ERBB4: variants seen among roughly 807,000 people sequenced by gnomAD.
ERBB4 encodes erb-b2 receptor tyrosine kinase 4, also known as receptor tyrosine-protein kinase erbB-4.
A neutral mutation model predicts 158.0 loss-of-function variants in ERBB4; 42 were observed. The observed-to-expected ratio is 0.27, with a 90% CI of 0.21 to 0.34. ERBB4 has a LOEUF of 0.34. ERBB4 is among the 10% of genes least tolerant of loss of function. ERBB4 has a pLI of 1.00. For synonymous variants in ERBB4, 583 were observed against 558.7 expected, an observed-to-expected ratio of 1.04 and a Z score of -0.61; for missense variants, 1,333 against 1,624.1, an observed-to-expected ratio of 0.82 and a Z score of 3.08.
At chr2:211,418,192 A>C (rs77276098) in intron 25 of ERBB4, among the ~76,000 whole-genome samples, 38 of 152,216 alleles carry the variant, frequency 2.5e-4, no homozygotes, top group African/African-American at 8.9e-4. Context: ...ACCAAACTTA[A>C]AATGGTAGTA....
At chr2:212,380,458 G>GTA (rs1373054706) in intron 1 of ERBB4, among the ~76,000 whole-genome samples, 2 of 101,700 alleles carry the variant, frequency 2.0e-5, no homozygotes, top group Non-Finnish European at 5.0e-5. Context: ...GAATGACTCT[G>GTA]TGTGTGTGTG....
intron 2 of ERBB4, among the ~76,000 whole-genome samples, chr2:211,982,089 T>C (rs554560806): frequency 6.6e-6 from 1 of 152,056 alleles, no homozygotes; most frequent in South Asian, 2.1e-4. Context: ...GCAATATTGA[T>C]AAAAACAATA....
chr2:211,730,990 G>A (rs887348750), intron 5 of ERBB4, among the ~76,000 whole-genome samples: 1 of 152,000 alleles, frequency 6.6e-6, no homozygotes, highest in African/African-American at 2.4e-5. Context: ...TCCTATTTGT[G>A]TTGTAAAGGT....
intron 1 of ERBB4, among the ~76,000 whole-genome samples, chr2:212,311,682 A>T (rs192949705): frequency 1.9e-4 from 29 of 151,138 alleles, no homozygotes; most frequent in Admixed American, 1.7e-3. Context: ...TAAAAACCAC[A>T]AATGGGACCA....
intron 1 of ERBB4, among the ~76,000 whole-genome samples, chr2:212,163,708 G>A (rs1050256499): frequency 2.0e-5 from 3 of 151,984 alleles, no homozygotes; most frequent in Non-Finnish European, 4.4e-5. Flanking sequence ...ATAAGATTAT[G>A]GTGCTTTTAT....
At chr2:212,535,965 A>G (rs1005945461) in intron 1 of ERBB4, among the ~76,000 whole-genome samples, 1 of 151,972 alleles carries the variant, frequency 6.6e-6, no homozygotes, top group Admixed American at 6.6e-5. Flanking sequence ...TTTCCCCTGA[A>G]CTCCAAGCGT....
Position 212,023,032 on chromosome 2 carries a change from T to C in ERBB4, c.235-75416A>G, listed in dbSNP as rs542788494. On this transcript the variant is annotated intron_variant, in intron 2 of 27. Transcript: ENST00000342788. ...TTTTTATTACGTTTTTATTTTTTCA[T>C]TTGCACATAACTTATTGTTTAGGAA... Among the ~76,000 whole-genome samples, 11 of 152,208 alleles carry C rather than the reference T, an allele frequency of 7.2e-5. No individual in the cohort carries two copies. In the South Asian group the frequency reaches 1.7e-3, roughly 23 times the overall value.
At position 211,915,457 on chromosome 2, in the gene ERBB4, C is replaced by A. The variant is rs539384753; in HGVS notation, c.421+31973G>T. 3.7e-3 allele frequency among the ~76,000 whole-genome samples: 466 copies of A among 127,396 alleles called. 4 individuals are homozygous for A. The highest frequency in any genetic ancestry group is 0.013 in the African/African-American group (434 of 32,458). 83.6% of individuals were successfully genotyped at this position (127,396 alleles called of 152,430 possible). A position where few individuals can be genotyped will look rare whatever the true frequency, so the allele number is the denominator to read the frequency against. On this transcript the variant is annotated intron_variant, in intron 3 of 27. Transcript: ENST00000342788. Reference sequence around the variant, plus strand: ...ACATTACATATATATATATATATATCTCCAATACAATTATTAATTATTTTT... The same window carrying A: ...ACATTACATATATATATATATATATATCCAATACAATTATTAATTATTTTT...
At chr2:212,013,217 C>T (rs565979606) in intron 2 of ERBB4, among the ~76,000 whole-genome samples, 1 of 152,186 alleles carries the variant, frequency 6.6e-6, no homozygotes, top group African/African-American at 2.4e-5. Context: ...CCCCAACGCC[C>T]AACTAATTTT....
intron 1 of ERBB4, among the ~76,000 whole-genome samples, chr2:212,466,458 G>T (rs1388245935): frequency 6.6e-6 from 1 of 152,162 alleles, no homozygotes; most frequent in Non-Finnish European, 1.5e-5. Context: ...ACGGGAGTGG[G>T]TCTTTCCTGT....
chr2:212,037,760 T>C (rs2077048806), intron 2 of ERBB4, among the ~76,000 whole-genome samples: 1 of 152,154 alleles, frequency 6.6e-6, no homozygotes, highest in Non-Finnish European at 1.5e-5. Flanking sequence ...AAATTAAAAA[T>C]TAATCTTTTC....
At chr2:212,317,260 T>C (rs2087332258) in intron 1 of ERBB4, among the ~76,000 whole-genome samples, 1 of 151,500 alleles carries the variant, frequency 6.6e-6, no homozygotes, top group African/African-American at 2.4e-5. Context: ...CTTTTCAGAA[T>C]CTTCATTCAG....
chr2:212,004,711 G>C (rs1575503222), intron 2 of ERBB4, among the ~76,000 whole-genome samples: 1 of 152,058 alleles, frequency 6.6e-6, no homozygotes, highest in Non-Finnish European at 1.5e-5. Context: ...TCACACTACA[G>C]AGAGGTATTA....
At chr2:212,425,470 T>C (rs1432247581) in intron 1 of ERBB4, among the ~76,000 whole-genome samples, 4 of 143,870 alleles carry the variant, frequency 2.8e-5, no homozygotes, top group Non-Finnish European at 6.0e-5. Context: ...TATTACAAAG[T>C]AATTGTATAT....
chr2:211,814,351 T>C (rs915467184), intron 3 of ERBB4, among the ~76,000 whole-genome samples: 1 of 152,186 alleles, frequency 6.6e-6, no homozygotes, highest in African/African-American at 2.4e-5. Flanking sequence ...GTGAGAAGTG[T>C]CTGTGTATTT....
chr2:212,129,954 G>T (rs1260286748), intron 1 of ERBB4, among the ~76,000 whole-genome samples: 4 of 151,948 alleles, frequency 2.6e-5, no homozygotes, highest in Non-Finnish European at 5.9e-5. Context: ...TGAAGAACTG[G>T]TTTGGATAGG....
chr2:211,867,294 A>G (rs2078234558), intron 3 of ERBB4, among the ~76,000 whole-genome samples: 1 of 152,164 alleles, frequency 6.6e-6, no homozygotes, highest in Non-Finnish European at 1.5e-5. Flanking sequence ...AAATTGGCAA[A>G]TGGACCTGAA....
intron 3 of ERBB4, among the ~76,000 whole-genome samples, chr2:211,885,206 T>C (rs182998794): frequency 1.4e-4 from 22 of 152,302 alleles, no homozygotes; most frequent in Non-Finnish European, 2.6e-4. Context: ...CCACAAATTA[T>C]AATTTGTTAT....
intron 21 of ERBB4, among the ~76,000 whole-genome samples, chr2:211,430,316 A>T (rs1303927590): frequency 6.6e-6 from 1 of 152,114 alleles, no homozygotes. Context: ...TATGAAGTCT[A>T]GTCCTAATAG....
Sources: allele counts gnomAD v4.1 joint callset (sites outside exome capture counted in the v4.1 genomes callset), GRCh38; gene constraint gnomAD v4.1.1; transcripts MANE v1.5; gene names NCBI Gene and HGNC (gene_info 2026-07-23, HGNC 2026-07-21).